Variants in CDH12 observed in about 807,000 individuals in gnomAD.
The protein encoded by CDH12 is cadherin-12.
In CDH12, 41 loss-of-function variants were observed where a neutral mutation model predicts 74.1. The ratio of observed to expected loss-of-function variants is 0.55; its 90% CI spans 0.43 to 0.72. CDH12 has a LOEUF of 0.72. Among genes scored for constraint, CDH12 ranks in the 30% least tolerant of loss-of-function variants. The probability of loss-of-function intolerance (pLI) is 0.00; values close to 1 mark genes in which losing one functional copy is unlikely to be tolerated. For synonymous variants in CDH12, 399 were observed against 355.0 expected, an observed-to-expected ratio of 1.12 and a Z score of -1.39; for missense variants, 945 against 977.2, an observed-to-expected ratio of 0.97 and a Z score of 0.44.
At chr5:22,823,826 C>T (rs1225389731) in intron 1 of CDH12, among the ~76,000 whole-genome samples, 1 of 152,100 alleles carries the variant, frequency 6.6e-6, no homozygotes, top group African/African-American at 2.4e-5. Context: ...CCCTTTCTGC[C>T]ATGATTGTAA....
intron 2 of CDH12, among the ~76,000 whole-genome samples, chr5:22,455,832 C>A (rs1231261775): frequency 1.3e-5 from 2 of 151,998 alleles, no homozygotes; most frequent in Non-Finnish European, 2.9e-5. Flanking sequence ...ATGTGAGATA[C>A]CATGGACACC....
chr5:22,824,789 AT>A (rs1749926012), intron 1 of CDH12, among the ~76,000 whole-genome samples: 2 of 151,874 alleles, frequency 1.3e-5, no homozygotes, highest in African/African-American at 4.8e-5. Context: ...AGATTGTCAG[AT>A]TGTATTTTAA....
At chr5:21,913,981 G>A (rs1333581563) in intron 6 of CDH12, among the ~76,000 whole-genome samples, 1 of 152,146 alleles carries the variant, frequency 6.6e-6, no homozygotes, top group Non-Finnish European at 1.5e-5. Flanking sequence ...ACCACACCCA[G>A]CCCTGTTTCA....
At chr5:22,378,828 T>C (rs1741644880) in intron 3 of CDH12, among the ~76,000 whole-genome samples, 1 of 152,104 alleles carries the variant, frequency 6.6e-6, no homozygotes, top group South Asian at 2.1e-4. Flanking sequence ...AAATTGTCTT[T>C]AGAAATTGCA....
intron 1 of CDH12, among the ~76,000 whole-genome samples, chr5:22,701,723 T>C (rs570136651): frequency 6.6e-6 from 1 of 152,118 alleles, no homozygotes; most frequent in South Asian, 2.1e-4. Context: ...TCAATCTCAG[T>C]TCAAACACTA....
chr5:22,753,989 T>A (rs1745746757), intron 1 of CDH12, among the ~76,000 whole-genome samples: 1 of 152,170 alleles, frequency 6.6e-6, no homozygotes, highest in Non-Finnish European at 1.5e-5. Flanking sequence ...ATTCTTTTCA[T>A]AAACTTGAAG....
intron 2 of CDH12, among the ~76,000 whole-genome samples, chr5:22,470,362 T>A (rs1745905976): frequency 6.6e-6 from 1 of 151,950 alleles, no homozygotes. Flanking sequence ...TTTTTCTCCT[T>A]ATTTTTCCAT....
chr5:22,442,823 G>A (rs1237465944), intron 2 of CDH12, among the ~76,000 whole-genome samples: 1 of 152,114 alleles, frequency 6.6e-6, no homozygotes, highest in Non-Finnish European at 1.5e-5. Flanking sequence ...TCCATCCAAG[G>A]TTTAAAGAGT....
intron 1 of CDH12, among the ~76,000 whole-genome samples, chr5:22,626,217 T>A (rs1200264310): frequency 6.6e-6 from 1 of 152,186 alleles, no homozygotes; most frequent in Non-Finnish European, 1.5e-5. Flanking sequence ...GCCCCATTCC[T>A]GCCAGTGCCC....
At chr5:22,699,092 G>A (rs1301043368) in intron 1 of CDH12, among the ~76,000 whole-genome samples, 5 of 151,946 alleles carry the variant, frequency 3.3e-5, no homozygotes, top group Admixed American at 6.6e-5. Context: ...CACTTACATA[G>A]TTCTTATCAT....
intron 4 of CDH12, among the ~76,000 whole-genome samples, chr5:22,206,679 CAAAAAAAA>C (rs71609754): frequency 5.6e-4 from 31 of 55,282 alleles, no homozygotes; most frequent in African/African-American, 1.5e-3. Flanking sequence ...GATTCCACTG[CAAAAAAAA>C]AAAAAAAAAA....
intron 3 of CDH12, among the ~76,000 whole-genome samples, chr5:22,233,768 A>G (rs1175526375): frequency 6.6e-6 from 1 of 152,188 alleles, no homozygotes; most frequent in East Asian, 1.9e-4. Flanking sequence ...AGGCCTATAA[A>G]TTCCAAGACA....
intron 5 of CDH12, among the ~76,000 whole-genome samples, chr5:22,062,627 C>T (rs951908240): frequency 1.3e-5 from 2 of 152,062 alleles, no homozygotes; most frequent in African/African-American, 4.8e-5. Flanking sequence ...GGATCAGAAA[C>T]AAAGCTTTGA....
At chr5:22,798,904 C>T (rs1748366264) in intron 1 of CDH12, among the ~76,000 whole-genome samples, 1 of 151,894 alleles carries the variant, frequency 6.6e-6, no homozygotes, top group South Asian at 2.1e-4. Context: ...GCTTTGAGCC[C>T]AGGAGTTTGA....
chr5:21,775,036 G>T lies in CDH12; in HGVS notation c.1393+8322C>A, dbSNP rs557836678. Among the ~76,000 whole-genome samples, 9 of 152,294 alleles carry T rather than the reference G, an allele frequency of 5.9e-5. No individual in the cohort carries two copies. The South Asian group carries it at 1.9e-3, about 32-fold the overall frequency. ...TCACCATGACTTGAAAGAGGTAGAA[G>T]AATCTTCCCTTTAGGAAATGTTCCA... On this transcript the variant is annotated intron_variant, in intron 11 of 14. Coordinates refer to ENST00000382254, the MANE Select transcript of CDH12 (RefSeq NM_004061.5).
At chr5:22,096,318 G>A (rs1256130502) in intron 4 of CDH12, among the ~76,000 whole-genome samples, 1 of 152,040 alleles carries the variant, frequency 6.6e-6, no homozygotes, top group African/African-American at 2.4e-5. Flanking sequence ...ACGGTCTGAG[G>A]TGCCTGATGT....
intron 2 of CDH12, among the ~76,000 whole-genome samples, chr5:22,437,092 A>C (rs1470959869): frequency 6.6e-6 from 1 of 152,080 alleles, no homozygotes; most frequent in Non-Finnish European, 1.5e-5. Flanking sequence ...ATTGTTCATC[A>C]TTAAATATTC....
At chr5:21,897,953 T>C (rs1470229679) in intron 6 of CDH12, among the ~76,000 whole-genome samples, 2 of 151,876 alleles carry the variant, frequency 1.3e-5, no homozygotes, top group Non-Finnish European at 2.9e-5. Context: ...TGCCATTTAA[T>C]GTTCTGATAT....
intron 3 of CDH12, among the ~76,000 whole-genome samples, chr5:22,298,127 G>T (rs1391438121): frequency 6.7e-6 from 1 of 149,622 alleles, no homozygotes; most frequent in African/African-American, 2.4e-5. Context: ...TAATATATAT[G>T]ATACAATTTA....
Sources: gnomAD v4.1 joint callset for allele counts (sites outside exome capture counted in the v4.1 genomes callset) on GRCh38, gnomAD v4.1.1 for gene constraint, MANE v1.5 for transcripts, NCBI Gene and HGNC (gene_info 2026-07-23, HGNC 2026-07-21) for gene names.